SMYD3: variants seen among roughly 807,000 people sequenced by gnomAD.
SMYD3 encodes the protein histone-lysine N-methyltransferase SMYD3.
In SMYD3, 36 loss-of-function variants were observed where a neutral mutation model predicts 57.7. The observed-to-expected ratio is 0.62, with a 90% CI of 0.48 to 0.82. The LOEUF is 0.82. SMYD3 is among the 40% of genes least tolerant of loss of function. The probability of loss-of-function intolerance (pLI) is 0.00; values close to 1 mark genes in which losing one functional copy is unlikely to be tolerated. For synonymous variants in SMYD3, 211 were observed against 195.0 expected, an observed-to-expected ratio of 1.08 and a Z score of -0.68; for missense variants, 515 against 538.8, an observed-to-expected ratio of 0.96 and a Z score of 0.44.
At position 246,204,067 on chromosome 1, in the gene SMYD3, G is replaced by A. The variant is rs148506783; in HGVS notation, c.531+123134C>T. On this transcript the variant is annotated intron_variant, in intron 5 of 11. Coordinates refer to ENST00000490107, the MANE Select transcript of SMYD3 (RefSeq NM_001167740.2). ...CTAACTTCAGTCAGGTGTGAAAACA[G>A]AGCCCAGGGTATCTACTGTGTTTTG... Among the ~76,000 whole-genome samples the A allele has an allele frequency of 2.3e-3, 355 of 152,296 alleles. 1 individual carries two copies. The highest frequency in any genetic ancestry group is 8.1e-3 in the African/African-American group (338 of 41,568).
At chr1:246,021,912 T>C (rs10924452) in intron 5 of SMYD3, among the ~76,000 whole-genome samples, 21,733 of 152,148 alleles carry the variant, frequency 0.14, 3,258 homozygotes, top group African/African-American at 0.38. Context: ...ACATTCTGTC[T>C]GTGACCTCTT....
intron 5 of SMYD3, among the ~76,000 whole-genome samples, chr1:246,030,487 G>A (rs754665186): frequency 1.2e-4 from 18 of 152,140 alleles, no homozygotes; most frequent in African/African-American, 3.9e-4. Flanking sequence ...TGGAGTTTGC[G>A]TGTTCTGCAG....
intron 5 of SMYD3, among the ~76,000 whole-genome samples, chr1:246,168,672 A>G (rs1202041618): frequency 6.6e-6 from 1 of 152,200 alleles, no homozygotes; most frequent in African/African-American, 2.4e-5. Context: ...AAACCACAGT[A>G]TATTGCTGAG....
chr1:246,066,070 A>G (rs2148367580), intron 5 of SMYD3, among the ~76,000 whole-genome samples: 2 of 152,348 alleles, frequency 1.3e-5, no homozygotes, highest in Admixed American at 1.3e-4. Flanking sequence ...GAAGAAGGAC[A>G]GTACATGCAG....
intron 10 of SMYD3, among the ~76,000 whole-genome samples, chr1:245,834,192 T>C (rs1050729616): frequency 3.3e-5 from 5 of 152,308 alleles, no homozygotes; most frequent in South Asian, 2.1e-4. Context: ...CATAAAGGAA[T>C]GCTCTTCAGA....
intron 1 of SMYD3, among the ~76,000 whole-genome samples, chr1:246,460,336 TG>T (rs1365583276): frequency 5.3e-5 from 8 of 152,224 alleles, no homozygotes; most frequent in African/African-American, 1.9e-4. Context: ...GAATATGTCA[TG>T]GTCTCTGCAC....
At chr1:246,218,811 T>C (rs1457696742) in intron 5 of SMYD3, among the ~76,000 whole-genome samples, 1 of 152,190 alleles carries the variant, frequency 6.6e-6, no homozygotes, top group Admixed American at 6.5e-5. Flanking sequence ...GCTATACTAG[T>C]TCTGCACACA....
chr1:245,892,736 A>G (rs1471401918), intron 8 of SMYD3, among the ~76,000 whole-genome samples: 2 of 152,238 alleles, frequency 1.3e-5, no homozygotes. Context: ...TTAACTGAAA[A>G]TGGATCAAAT....
At chr1:246,154,867 C>T (rs1572120723) in intron 5 of SMYD3, among the ~76,000 whole-genome samples, 2 of 151,612 alleles carry the variant, frequency 1.3e-5, no homozygotes, top group African/African-American at 2.4e-5. Context: ...CTCTAAGCTC[C>T]GCCTCCCGGG....
At chr1:246,474,549 A>T (rs967056341) in intron 1 of SMYD3, among the ~76,000 whole-genome samples, 8 of 149,564 alleles carry the variant, frequency 5.3e-5, no homozygotes, top group Non-Finnish European at 1.0e-4. Flanking sequence ...AAAGAAATGC[A>T]GGAGTAATGA....
chr1:246,322,691 C>T lies in SMYD3; in HGVS notation c.531+4510G>A, dbSNP rs1397854875. On this transcript the variant is annotated intron_variant, in intron 5 of 11. Transcript: ENST00000490107. ...ACACTTTTATCTCCGTTCAGCCACA[C>T]ACTCCCCAGGGAACATACAATCTAA... Among the ~76,000 whole-genome samples the T allele has an allele frequency of 5.3e-5, 8 of 152,124 alleles. No homozygotes were observed. In the East Asian group the frequency reaches 1.5e-3, roughly 29 times the overall value.
intron 5 of SMYD3, among the ~76,000 whole-genome samples, chr1:246,072,174 A>T (rs1349742532): frequency 3.5e-5 from 4 of 115,602 alleles, no homozygotes; most frequent in African/African-American, 6.7e-5. Context: ...CTGTCTTTGC[A>T]TCCTGTTAGT....
intron 5 of SMYD3, among the ~76,000 whole-genome samples, chr1:246,031,715 C>T (rs1329436573): frequency 1.4e-5 from 2 of 139,748 alleles, no homozygotes; most frequent in Admixed American, 7.4e-5. Context: ...CCAGCCTGGG[C>T]GACAGAGCGA....
At chr1:246,054,327 G>A (rs10924467) in intron 5 of SMYD3, among the ~76,000 whole-genome samples, 9,497 of 152,196 alleles carry the variant, frequency 0.062, 1,020 homozygotes, top group African/African-American at 0.22. Flanking sequence ...GGGGGAACAC[G>A]AAAAGTCACG....
intron 10 of SMYD3, among the ~76,000 whole-genome samples, chr1:245,808,998 G>A (rs1170076588): frequency 1.3e-5 from 2 of 152,000 alleles, no homozygotes; most frequent in Non-Finnish European, 2.9e-5. Flanking sequence ...CCTGACCTCC[G>A]CCCGCCTCGG....
chr1:246,378,402 C>A (rs1322627444), intron 1 of SMYD3, among the ~76,000 whole-genome samples: 1 of 151,766 alleles, frequency 6.6e-6, no homozygotes, highest in East Asian at 1.9e-4. Flanking sequence ...TGGGTGGGCA[C>A]CATCTAATCA....
At chr1:246,025,689 A>C (rs1204555266) in intron 5 of SMYD3, among the ~76,000 whole-genome samples, 1 of 152,168 alleles carries the variant, frequency 6.6e-6, no homozygotes, top group African/African-American at 2.4e-5. Context: ...TACCCTCTTG[A>C]TGAAGGAAGT....
intron 3 of SMYD3, among the ~76,000 whole-genome samples, chr1:246,332,766 C>G (rs1429842111): frequency 6.6e-6 from 1 of 152,198 alleles, no homozygotes; most frequent in Admixed American, 6.5e-5. Flanking sequence ...CAAGCTCACG[C>G]CACTGCACCC....
intron 10 of SMYD3, among the ~76,000 whole-genome samples, chr1:245,817,935 A>G (rs941121086): frequency 2.0e-5 from 3 of 152,208 alleles, no homozygotes; most frequent in African/African-American, 7.2e-5. Flanking sequence ...TGTACCTGAA[A>G]GTGATGGGGA....
Sources: gnomAD v4.1 joint callset for allele counts (sites outside exome capture counted in the v4.1 genomes callset) on GRCh38, gnomAD v4.1.1 for gene constraint, MANE v1.5 for transcripts, NCBI Gene and HGNC (gene_info 2026-07-23, HGNC 2026-07-21) for gene names.